The following THRB variants were observed in gnomAD, a reference collection of about 807,000 sequenced individuals.
THRB encodes thyroid hormone receptor beta.
A neutral mutation model predicts 47.8 loss-of-function variants in THRB; 12 were observed. The observed-to-expected ratio is 0.25, with a 90% CI of 0.16 to 0.41. THRB has a LOEUF of 0.41. THRB is among the 10% of genes least tolerant of loss of function. The pLI is 1.00. For synonymous variants in THRB, 218 were observed against 212.2 expected (o/e 1.03, Z -0.24); for missense variants, 348 against 589.2 (o/e 0.59, Z 4.24).
chr3:24,411,822 C>G (rs1429054965), intron 1 of THRB, among the ~76,000 whole-genome samples: 1 of 151,670 alleles, frequency 6.6e-6, no homozygotes, highest in Non-Finnish European at 1.5e-5. Context: ...AATTATTTAA[C>G]CCCATATATC....
intron 1 of THRB, among the ~76,000 whole-genome samples, chr3:24,471,820 C>T (rs955128706): frequency 2.6e-5 from 4 of 152,180 alleles, no homozygotes; most frequent in African/African-American, 7.2e-5. Context: ...GATTACACCA[C>T]GGAAGACTTA....
intron 3 of THRB, among the ~76,000 whole-genome samples, chr3:24,279,647 G>A (rs983067934): frequency 2.0e-5 from 3 of 151,162 alleles, no homozygotes; most frequent in South Asian, 2.1e-4. Context: ...CACCTGACTC[G>A]GCCTCCCAAA....
chr3:24,267,586 C>T (rs2052795616), intron 3 of THRB, among the ~76,000 whole-genome samples: 1 of 152,154 alleles, frequency 6.6e-6, no homozygotes, highest in Admixed American at 6.5e-5. Context: ...ACCCCTTATC[C>T]TTAATATCTG....
rs1274418560 is a variant in THRB, at chr3:24,122,044, AC to A, written c.*839del. ...TCAGATGCCACAGAAAAGGGGTGCC[AC>A]CCTGTAAATAGGTTTGATTTCTGTA... On this transcript the variant is annotated 3_prime_UTR_variant, in exon 11 of 11. Transcript: ENST00000646209. 1 of 152,658 alleles carries A rather than the reference AC, an allele frequency of 6.6e-6. No individual in the cohort carries two copies. The highest frequency in any genetic ancestry group is 1.5e-5 in the Non-Finnish European group (1 of 68,060). The allele number at this position is 152,658 out of a possible 1,614,324, so 9.5% of individuals were successfully genotyped here.
chr3:24,157,522 C>A (rs1307229363), intron 5 of THRB, among the ~76,000 whole-genome samples: 1 of 152,172 alleles, frequency 6.6e-6, no homozygotes, highest in East Asian at 1.9e-4. Context: ...TTTTAAATTA[C>A]AATTTTTTTT....
At chr3:24,325,706 A>G (rs1451835074) in intron 2 of THRB, among the ~76,000 whole-genome samples, 1 of 152,050 alleles carries the variant, frequency 6.6e-6, no homozygotes. Context: ...CAAGGAGAAC[A>G]CTTGCTGTTG....
intron 5 of THRB, among the ~76,000 whole-genome samples, chr3:24,181,225 C>T (rs2041857746): frequency 6.6e-6 from 1 of 152,094 alleles, no homozygotes; most frequent in Non-Finnish European, 1.5e-5. Flanking sequence ...TATATTTTTC[C>T]TTGTCTTCCC....
intron 1 of THRB, among the ~76,000 whole-genome samples, chr3:24,425,287 T>C (rs997886330): frequency 1.3e-5 from 2 of 151,916 alleles, no homozygotes; most frequent in African/African-American, 4.8e-5. Context: ...ATTACTAGTT[T>C]GTTTAATCTT....
chr3:24,339,378 A>C (rs552404345), intron 1 of THRB, among the ~76,000 whole-genome samples: 6 of 152,212 alleles, frequency 3.9e-5, no homozygotes, highest in Non-Finnish European at 7.3e-5. Flanking sequence ...AGTATTATAA[A>C]TGACCCCGTT....
At chr3:24,183,348 TTC>T (rs1559534636) in intron 5 of THRB, among the ~76,000 whole-genome samples, 1 of 139,306 alleles carries the variant, frequency 7.2e-6, no homozygotes, top group African/African-American at 2.7e-5. Context: ...TTTTCTTTTC[TTC>T]TTTTTCTTTT....
At chr3:24,323,086 T>C (rs542690030) in intron 2 of THRB, among the ~76,000 whole-genome samples, 1 of 152,326 alleles carries the variant, frequency 6.6e-6, no homozygotes, top group Non-Finnish European at 1.5e-5. Context: ...TATTGGTGTT[T>C]AGGGTTTCCA....
intron 3 of THRB, among the ~76,000 whole-genome samples, chr3:24,295,493 T>C (rs1169318563): frequency 1.3e-5 from 2 of 152,252 alleles, no homozygotes; most frequent in African/African-American, 4.8e-5. Flanking sequence ...ACTTAGTGTT[T>C]TGACTTAAGT....
chr3:24,360,711 T>C (rs2063999653), intron 1 of THRB, among the ~76,000 whole-genome samples: 1 of 152,192 alleles, frequency 6.6e-6, no homozygotes, highest in South Asian at 2.1e-4. Context: ...CATTGTTTTA[T>C]ATAGTTCACT....
intron 8 of THRB, among the ~76,000 whole-genome samples, chr3:24,135,812 CAG>C (rs1441912695): frequency 5.5e-4 from 45 of 82,022 alleles, no homozygotes; most frequent in African/African-American, 7.5e-4. Context: ...TTCAAAAAGG[CAG>C]AGAGTCATAT....
chr3:24,188,268 T>C (rs1290354976), intron 5 of THRB, among the ~76,000 whole-genome samples: 1 of 152,234 alleles, frequency 6.6e-6, no homozygotes, highest in African/African-American at 2.4e-5. Flanking sequence ...TAATGACAGT[T>C]GCTATTCAGA....
At chr3:24,168,849 G>A (rs553047596) in intron 5 of THRB, among the ~76,000 whole-genome samples, 2 of 151,910 alleles carry the variant, frequency 1.3e-5, no homozygotes, top group African/African-American at 4.8e-5. Flanking sequence ...GAAATACAAG[G>A]AGAAGTGTAA....
At chr3:24,281,270 G>A (rs1407909264) in intron 3 of THRB, among the ~76,000 whole-genome samples, 1 of 151,972 alleles carries the variant, frequency 6.6e-6, no homozygotes, top group Non-Finnish European at 1.5e-5. Flanking sequence ...AGAAGAGAGT[G>A]GGGGCCAATA....
intron 1 of THRB, among the ~76,000 whole-genome samples, chr3:24,456,622 ATAT>A (rs2073195193): frequency 6.6e-6 from 1 of 150,498 alleles, no homozygotes; most frequent in Admixed American, 6.6e-5. Flanking sequence ...AAAATTTAAA[ATAT>A]TAGTTTAATT....
chr3:24,472,837 C>T (rs1218439809), intron 1 of THRB, among the ~76,000 whole-genome samples: 1 of 152,182 alleles, frequency 6.6e-6, no homozygotes, highest in Non-Finnish European at 1.5e-5. Flanking sequence ...AAATAAGAAA[C>T]ACAGGCTCGG....
Sources: allele counts gnomAD v4.1 joint callset (sites outside exome capture counted in the v4.1 genomes callset), GRCh38; gene constraint gnomAD v4.1.1; transcripts MANE v1.5; gene names NCBI Gene and HGNC (gene_info 2026-07-23, HGNC 2026-07-21).